The following TTC28 variants were observed in gnomAD, a reference collection of about 807,000 sequenced individuals.
The protein encoded by TTC28 is tetratricopeptide repeat domain 28.
A neutral mutation model predicts 198.0 loss-of-function variants in TTC28; 61 were observed. The ratio of observed to expected loss-of-function variants is 0.31; its 90% CI spans 0.25 to 0.38. TTC28 has a LOEUF of 0.38. TTC28 is among the 10% of genes least tolerant of loss of function. The pLI is 1.00. For synonymous variants in TTC28, 1,171 were observed against 1,297.8 expected, an observed-to-expected ratio of 0.90 and a Z score of 2.10; for missense variants, 2,678 against 3,164.0, an observed-to-expected ratio of 0.85 and a Z score of 3.69.
At position 28,679,565 on chromosome 22, in the gene TTC28, C is replaced by G. The variant is rs567820173; in HGVS notation, c.102+57G>C. On this transcript the variant is annotated intron_variant, in intron 1 of 22. Transcript: ENST00000397906. Reference sequence around the variant, plus strand: ...TCTGCCGCTGAGGCCCGGCCCGGCTCCCACCGCCGGAGTTTCACAAAGAAA... The same window carrying G: ...TCTGCCGCTGAGGCCCGGCCCGGCTGCCACCGCCGGAGTTTCACAAAGAAA... 5.0e-4 allele frequency: 581 copies of G among 1,162,292 alleles called. 2 individuals carry two copies. The South Asian group carries it at 7.7e-3, about 15-fold the overall frequency. 72.0% of individuals were successfully genotyped at this position (1,162,292 alleles called of 1,614,324 possible).
chr22:28,530,162 A>G (rs1248815278), intron 2 of TTC28, among the ~76,000 whole-genome samples: 1 of 152,198 alleles, frequency 6.6e-6, no homozygotes, highest in Non-Finnish European at 1.5e-5. Flanking sequence ...AAAACCTTGA[A>G]AAAAGATTGG....
rs58512456 is a variant in TTC28, at chr22:28,466,820, TACACACACACAC to T, written c.382-160189_382-160178del. ...AGTATTCTCACATTATATACATACATACACACACACACACACACACACACACACACACACACC... is the reference window on the plus strand; with the variant it reads ...AGTATTCTCACATTATATACATACATACACACACACACACACACACACACC... On this transcript the variant is annotated intron_variant, in intron 2 of 22. Coordinates refer to ENST00000397906, the MANE Select transcript of TTC28 (RefSeq NM_001145418.2). Among the ~76,000 whole-genome samples, 11 of 143,916 alleles carry T rather than the reference TACACACACACAC, an allele frequency of 7.6e-5. No homozygotes were observed. The South Asian group carries it at 2.5e-3, about 33-fold the overall frequency. The allele number at this position is 143,916 out of a possible 152,430, so 94.4% of individuals were successfully genotyped here. A position where few individuals can be genotyped will look rare whatever the true frequency, so the allele number is the denominator to read the frequency against.
Position 28,163,292 on chromosome 22 carries a change from A to G in TTC28, c.1241T>C (p.Met414Thr). ...CTCCAGGACATAGTTATGGTAAGAC[A>G]TGGCCTTGTCAAAGTTCCTCCGGTA... ...YHYRRNFDKAMSYHNYVLELA... is the reference protein window; with the variant it reads ...YHYRRNFDKATSYHNYVLELA... The change falls in exon 6 of 23, where the codon ATG (methionine) becomes ACG (threonine). Residue 414 changes from methionine to threonine, a missense_variant. By Grantham distance (81) the Met-to-Thr change is moderately conservative (BLOSUM62 -1). Around this residue, in one of 8 missense-constraint regions of TTC28, gnomAD observed 775 missense variants for 845.9 expected, o/e 0.92. Coordinates refer to ENST00000397906, the MANE Select transcript of TTC28 (RefSeq NM_001145418.2). 1 of 1,552,014 alleles carries G rather than the reference A, an allele frequency of 6.4e-7. No individual in the cohort carries two copies. Among genetic ancestry groups the G allele is most frequent in the South Asian group, 1.2e-5 (1 of 84,064 alleles).
At chr22:28,407,671 A>G (rs1221414160) in intron 2 of TTC28, among the ~76,000 whole-genome samples, 2 of 152,350 alleles carry the variant, frequency 1.3e-5, no homozygotes, top group African/African-American at 4.8e-5. Context: ...TACAGTTGTT[A>G]CAAGTGACAA....
chr22:28,039,440 T>C (rs1026461237), intron 12 of TTC28, among the ~76,000 whole-genome samples: 2 of 151,266 alleles, frequency 1.3e-5, no homozygotes, highest in African/African-American at 4.9e-5. Flanking sequence ...AAACACGGCA[T>C]GTTCTCACTC....
intron 1 of TTC28, among the ~76,000 whole-genome samples, chr22:28,641,051 C>G (rs537761803): frequency 1.6e-4 from 24 of 152,304 alleles, no homozygotes; most frequent in African/African-American, 5.5e-4. Flanking sequence ...ATAGGCCAGG[C>G]ACAGTGGCTC....
rs61746015 is a variant in TTC28, at chr22:27,983,828, G to T, written c.5839C>A (p.Leu1947Ile). The part of the protein sequence containing the change: ...LFDSTELPKR[L>I]SLDSSSSLES... ...AGGGAGGAGGAGCTGTCAAGGCTGA[G>T]GCGCTTGGGTAGCTCAGTAGAATCT... The change falls in exon 23 of 23, where the codon CTC (leucine) becomes ATC (isoleucine). Residue 1947 changes from leucine to isoleucine, a missense_variant. By Grantham distance (5) the Leu-to-Ile change is conservative (BLOSUM62 2). Transcript: ENST00000397906. 93 of 1,551,546 alleles carry T rather than the reference G, an allele frequency of 6.0e-5. 1 individual carries two copies. The highest frequency in any genetic ancestry group is 7.8e-5 in the Non-Finnish European group (89 of 1,146,976).
At chr22:28,071,848 T>C (rs953592902) in intron 12 of TTC28, among the ~76,000 whole-genome samples, 1 of 151,760 alleles carries the variant, frequency 6.6e-6, no homozygotes, top group Non-Finnish European at 1.5e-5. Flanking sequence ...ATCAATTCTG[T>C]CTCTCCCTGC....
At position 28,386,274 on chromosome 22, in the gene TTC28, CAAAAAAAAAAAAAAAAAA is replaced by C. The variant is rs71194764; in HGVS notation, c.382-79649_382-79632del. ...TGGGCGACAGAGCGAGACTCCGTCTCAAAAAAAAAAAAAAAAAAAAAAAAAAAAAAAAGAAGGCTTCAC... is the reference window on the plus strand; with the variant it reads ...TGGGCGACAGAGCGAGACTCCGTCTCAAAAAAAAAAAAAAGAAGGCTTCAC... On this transcript the variant is annotated intron_variant, in intron 2 of 22. Transcript: ENST00000397906. 2.1e-4 allele frequency among the ~76,000 whole-genome samples: 11 copies of C among 52,220 alleles called. 1 individual carries two copies. Among genetic ancestry groups the C allele is most frequent in the African/African-American group, 6.8e-4 (10 of 14,722 alleles). The allele number at this position is 52,220 out of a possible 152,430, so 34.3% of individuals were successfully genotyped here.
chr22:27,990,835 A>AAAAG, intron 19 of TTC28, 23 bp from the exon 20 acceptor site: 3 of 1,546,446 alleles, frequency 1.9e-6, no homozygotes, highest in Non-Finnish European at 2.6e-6. Context: ...GATTATAAGA[A>AAAAG]AAAGAAAGAA....
intron 6 of TTC28, among the ~76,000 whole-genome samples, chr22:28,118,090 C>G (rs1942681646): frequency 6.6e-6 from 1 of 152,006 alleles, no homozygotes; most frequent in Admixed American, 6.6e-5. Context: ...CATAAAAATA[C>G]AAAATTAAAT....
At chr22:28,076,211 C>T (rs1015610079) in intron 12 of TTC28, among the ~76,000 whole-genome samples, 5 of 152,262 alleles carry the variant, frequency 3.3e-5, no homozygotes, top group Admixed American at 1.3e-4. Context: ...TCTCAATTAG[C>T]AAACAACCTT....
At chr22:28,552,658 G>A (rs2049696576) in intron 2 of TTC28, among the ~76,000 whole-genome samples, 1 of 152,036 alleles carries the variant, frequency 6.6e-6, no homozygotes, top group Non-Finnish European at 1.5e-5. Context: ...AAAGGTGCTG[G>A]GACAACTGTC....
intron 6 of TTC28, among the ~76,000 whole-genome samples, chr22:28,124,691 T>C (rs1047680907): frequency 2.0e-5 from 3 of 152,162 alleles, no homozygotes; most frequent in Non-Finnish European, 2.9e-5. Flanking sequence ...GTAAGCAAGA[T>C]ACAGGAGAGA....
intron 22 of TTC28, among the ~76,000 whole-genome samples, chr22:27,984,625 A>G (rs914701139): frequency 2.0e-5 from 3 of 152,178 alleles, no homozygotes; most frequent in African/African-American, 7.2e-5. Context: ...ATGGATGCCT[A>G]ATGGATATCC....
chr22:28,160,228 A>G (rs1244128254), intron 6 of TTC28, among the ~76,000 whole-genome samples: 1 of 152,226 alleles, frequency 6.6e-6, no homozygotes, highest in Non-Finnish European at 1.5e-5. Flanking sequence ...ATTGTTTGTA[A>G]CACAAAGAAT....
intron 1 of TTC28, among the ~76,000 whole-genome samples, chr22:28,651,948 T>C (rs2051571043): frequency 6.6e-6 from 1 of 152,152 alleles, no homozygotes; most frequent in South Asian, 2.1e-4. Flanking sequence ...CAAGCAACTC[T>C]CCTGCCTCAG....
chr22:28,014,358 T>C lies in TTC28; in HGVS notation c.4108A>G (p.Thr1370Ala). Residue 1370 changes from threonine to alanine, a missense_variant, in exon 14 of 23, where the codon ACT becomes GCT. Coordinates refer to ENST00000397906, the MANE Select transcript of TTC28 (RefSeq NM_001145418.2). ...GTCCCGTCCTGGGTCGGTGACACAG[T>C]GTTACTGAACAGGCTCGTCATGCTC... ...CQSMTSLFSN[T>A]VSPTQDGTSS... The C allele has an allele frequency of 1.3e-6, 2 of 1,551,390 alleles. No individual in the cohort carries two copies. The highest frequency in any genetic ancestry group is 1.7e-6 in the Non-Finnish European group (2 of 1,146,888).
rs1482921265 is a variant in TTC28, at chr22:27,982,817, G to A, written c.6850C>T (p.Pro2284Ser). The change falls in exon 23 of 23, where the codon CCT becomes TCT. Residue 2284 changes from proline to serine, a missense_variant. Transcript: ENST00000397906. This position sits in a 1 kb window ranked among gnomAD's most constrained non-coding sequence, Gnocchi z 5.2. ...CTGGGGTACTTCAGTTTAAAGAGAG[G>A]CTGGTCCAGCTGGGAAGTCTGTGAG... is the stretch of plus-strand genomic sequence containing the variant. ...CDSQTSQLDQPLFKLKYPSSP... is the reference protein window; with the variant it reads ...CDSQTSQLDQSLFKLKYPSSP... The A allele has an allele frequency of 6.5e-7, 1 of 1,541,238 alleles. No homozygotes were observed. The highest frequency in any genetic ancestry group is 8.8e-7 in the Non-Finnish European group (1 of 1,140,730).
Sources: allele counts gnomAD v4.1 joint callset (sites outside exome capture counted in the v4.1 genomes callset), GRCh38; gene constraint gnomAD v4.1.1; regional missense constraint gnomAD v4.1.1; non-coding constraint Gnocchi (gnomAD v3.1); transcripts MANE v1.5; gene names NCBI Gene and HGNC (gene_info 2026-07-23, HGNC 2026-07-21).